The following APBB2 variants were observed in gnomAD, a reference collection of about 807,000 sequenced individuals.
APBB2 encodes Fe65-like 1.
A neutral mutation model predicts 82.5 loss-of-function variants in APBB2; 38 were observed. The observed-to-expected ratio is 0.46, with a 90% CI of 0.36 to 0.60. The LOEUF (loss-of-function observed/expected upper bound fraction) is 0.60. Ranked by LOEUF, APBB2 falls within the 20% of genes least tolerant of loss-of-function variation. The pLI, the probability that APBB2 is intolerant of heterozygous loss-of-function variation, is 0.00. For missense variants in APBB2, 772 were observed against 972.3 expected (o/e 0.79, Z 2.74); for synonymous variants, 341 against 368.2 (o/e 0.93, Z 0.85).
chr4:41,182,773 G>C (rs990077170), intron 1 of APBB2, among the ~76,000 whole-genome samples: 1 of 152,152 alleles, frequency 6.6e-6, no homozygotes, highest in African/African-American at 2.4e-5. Context: ...CAAGCCAAGG[G>C]GGAAGAGCCC....
intron 2 of APBB2, among the ~76,000 whole-genome samples, chr4:41,117,170 TAAG>T: frequency 6.6e-6 from 1 of 152,146 alleles, no homozygotes; most frequent in Non-Finnish European, 1.5e-5. Flanking sequence ...GCATGGTCTT[TAAG>T]AAGATATTTA....
chr4:41,038,588 G>A (rs920304366), intron 4 of APBB2, among the ~76,000 whole-genome samples: 1 of 152,168 alleles, frequency 6.6e-6, no homozygotes. Flanking sequence ...CCAGAATTAA[G>A]TTCTTTCAAC....
chr4:41,200,879 T>C (rs1293638102), intron 1 of APBB2, among the ~76,000 whole-genome samples: 1 of 152,230 alleles, frequency 6.6e-6, no homozygotes, highest in African/African-American at 2.4e-5. Flanking sequence ...TGTACATGTG[T>C]GTATCTGTGC....
intron 1 of APBB2, among the ~76,000 whole-genome samples, chr4:41,144,365 C>T (rs913308788): frequency 7.9e-5 from 12 of 152,224 alleles, no homozygotes; most frequent in Non-Finnish European, 1.3e-4. Flanking sequence ...TTTTGTTCTA[C>T]AAACTGAGTG....
At chr4:41,145,562 C>G (rs1760486098) in intron 1 of APBB2, among the ~76,000 whole-genome samples, 1 of 152,166 alleles carries the variant, frequency 6.6e-6, no homozygotes, top group Non-Finnish European at 1.5e-5. Context: ...CAATCCTAGG[C>G]TAAAAAAGAC....
intron 3 of APBB2, among the ~76,000 whole-genome samples, chr4:41,097,404 G>A (rs542237308): frequency 6.6e-6 from 1 of 152,124 alleles, no homozygotes; most frequent in African/African-American, 2.4e-5. Flanking sequence ...AAAAACCTAT[G>A]CCATATATTC....
intron 2 of APBB2, among the ~76,000 whole-genome samples, chr4:41,103,397 C>A (rs1334990841): frequency 6.6e-6 from 1 of 152,048 alleles, no homozygotes; most frequent in Admixed American, 6.6e-5. Flanking sequence ...TAAAAAGACT[C>A]TAAATTTTCT....
intron 5 of APBB2, among the ~76,000 whole-genome samples, chr4:41,028,536 G>A (rs565599412): frequency 1.3e-5 from 2 of 152,314 alleles, no homozygotes; most frequent in South Asian, 2.1e-4. Flanking sequence ...CAAAGAAAGC[G>A]AAGCCAAGAG....
intron 6 of APBB2, among the ~76,000 whole-genome samples, chr4:40,963,905 T>C (rs1032117407): frequency 2.6e-5 from 4 of 152,146 alleles, no homozygotes; most frequent in Admixed American, 6.6e-5. Flanking sequence ...TTAGAAAATA[T>C]TACAGTGGGA....
intron 4 of APBB2, 36 bp from the exon 5 acceptor site, chr4:41,033,340 CAAATAACAAAGCA>C: frequency 7.7e-7 from 1 of 1,294,564 alleles, no homozygotes; most frequent in Non-Finnish European, 1.1e-6. Context: ...ATTAAAACTC[CAAATAACAAAGCA>C]TAAAAGAAAG....
At chr4:40,860,287 C>T (rs1578034882) in intron 12 of APBB2, among the ~76,000 whole-genome samples, 1 of 152,070 alleles carries the variant, frequency 6.6e-6, no homozygotes, top group South Asian at 2.1e-4. Flanking sequence ...CTGGGGTGGG[C>T]GCTTGGCCCA....
At chr4:41,206,622 C>T (rs1293474272) in intron 1 of APBB2, among the ~76,000 whole-genome samples, 1 of 152,188 alleles carries the variant, frequency 6.6e-6, no homozygotes, top group Non-Finnish European at 1.5e-5. Context: ...TGTCTCTACA[C>T]CCAAATCATG....
intron 4 of APBB2, among the ~76,000 whole-genome samples, chr4:41,043,689 G>C (rs902785795): frequency 1.3e-5 from 2 of 152,108 alleles, no homozygotes; most frequent in Non-Finnish European, 2.9e-5. Context: ...ACAAACTCTT[G>C]AATTTATGGT....
At chr4:41,029,708 T>TA (rs1213079747) in intron 5 of APBB2, among the ~76,000 whole-genome samples, 1 of 152,156 alleles carries the variant, frequency 6.6e-6, no homozygotes, top group Non-Finnish European at 1.5e-5. Flanking sequence ...TTGTCGATTA[T>TA]AAAAAATAAG....
rs1809252403 is a variant in APBB2, at chr4:41,014,315, G to T, written c.103C>A (p.Pro35Thr). 2 of 1,614,048 alleles carry T rather than the reference G, an allele frequency of 1.2e-6. No homozygotes were observed. Among genetic ancestry groups the T allele is most frequent in the Non-Finnish European group, 1.7e-6 (2 of 1,180,044 alleles). Residue 35 changes from proline (P) to threonine (T), a missense_variant, in exon 6 of 18, where the codon CCA becomes ACA. By Grantham distance (38) the Pro-to-Thr change is conservative. Coordinates refer to ENST00000508593, the MANE Select transcript of APBB2 (RefSeq NM_004307.2). ...DVTNRNSPAT[P>T]PNTLNLRSSH... is the part of the protein sequence containing the mutation. ...GATCGGAGGTTAAGGGTGTTTGGTG[G>T]TGTGGCTGGGCTGTTCCGATTTGTG...
intron 6 of APBB2, among the ~76,000 whole-genome samples, chr4:40,980,453 A>G (rs10938471): frequency 0.39 from 58,693 of 152,078 alleles, 12,365 homozygotes; most frequent in East Asian, 0.71. Context: ...AGAGAGCAGC[A>G]GTAGCCAACC....
intron 11 of APBB2, chr4:40,890,740 T>C (rs1771769672): frequency 2.5e-6 from 1 of 401,930 alleles, no homozygotes; most frequent in South Asian, 4.8e-5. Flanking sequence ...TCCAGGCTGC[T>C]CTTAAATTTA....
intron 16 of APBB2, among the ~76,000 whole-genome samples, chr4:40,823,358 C>T (rs1055620912): frequency 1.3e-5 from 2 of 152,132 alleles, no homozygotes; most frequent in African/African-American, 4.8e-5. Context: ...TGAGAGTGAG[C>T]GACTACTAGC....
intron 6 of APBB2, among the ~76,000 whole-genome samples, chr4:41,006,787 A>G (rs573542719): frequency 1.6e-4 from 25 of 152,190 alleles, no homozygotes; most frequent in Non-Finnish European, 3.4e-4. Flanking sequence ...ATTTGTAAGA[A>G]AAAAGGGGGA....
Sources: gnomAD v4.1 joint callset for allele counts (sites outside exome capture counted in the v4.1 genomes callset) on GRCh38, gnomAD v4.1.1 for gene constraint, MANE v1.5 for transcripts, NCBI Gene and HGNC (gene_info 2026-07-23, HGNC 2026-07-21) for gene names.